The following DNAI1 variants were observed in gnomAD, a reference collection of about 807,000 sequenced individuals.
The protein encoded by DNAI1 is dynein axonemal intermediate chain 1.
Under a neutral mutation model 92.0 loss-of-function variants are expected in DNAI1, and 67 were observed. That is an observed-to-expected ratio of 0.73 (90% CI 0.60 to 0.89). DNAI1 has a LOEUF of 0.89. Ranked by LOEUF, DNAI1 falls within the 40% of genes least tolerant of loss-of-function variation. The pLI is 0.00. For synonymous variants in DNAI1, 323 were observed against 319.6 expected (o/e 1.01, Z -0.11); for missense variants, 839 against 866.6 (o/e 0.97, Z 0.40).
At chr9:34,507,390 A>G (rs1332810046) in intron 13 of DNAI1, among the ~76,000 whole-genome samples, 2 of 152,244 alleles carry the variant, frequency 1.3e-5, no homozygotes, top group Non-Finnish European at 2.9e-5. Context: ...TATCCTTACA[A>G]TTAGGCAAGT....
intron 18 of DNAI1, among the ~76,000 whole-genome samples, chr9:34,515,794 A>T (rs780387883): frequency 2.0e-5 from 3 of 152,246 alleles, no homozygotes; most frequent in Non-Finnish European, 4.4e-5. Context: ...GTAGAGATGG[A>T]AAGTCAATTT....
rs766328772 is a variant in DNAI1 at position 34,489,419 on chromosome 9, C to T, written c.358C>T (p.Arg120Trp). 6.3e-5 allele frequency: 102 copies of T among 1,613,872 alleles called. No homozygotes were observed. Among genetic ancestry groups the T allele is most frequent in the Middle Eastern group, 1.7e-4 (1 of 6,010 alleles). The change falls in exon 5 of 20, where the codon CGG becomes TGG. Residue 120 changes from arginine to tryptophan, a missense_variant. By Grantham distance (101) the Arg-to-Trp change is moderately radical. Coordinates refer to ENST00000242317, the MANE Select transcript of DNAI1 (RefSeq NM_012144.4). The part of the protein sequence containing the change: ...LIPKDSDEGR[R>W]QHYRDELVAG... ...CCCCAAAGACTCAGATGAAGGACGG[C>T]GGCAGCATTACCGCGATGAATTAGT...
At chr9:34,509,112 C>T (rs1478853812) in intron 13 of DNAI1, among the ~76,000 whole-genome samples, 1 of 152,104 alleles carries the variant, frequency 6.6e-6, no homozygotes, top group African/African-American at 2.4e-5. Flanking sequence ...GGCAGGGCAG[C>T]GTGCTAAGTG....
intron 1 of DNAI1, among the ~76,000 whole-genome samples, chr9:34,463,942 T>C (rs932768075): frequency 3.3e-5 from 5 of 152,152 alleles, no homozygotes; most frequent in African/African-American, 9.7e-5. Flanking sequence ...GTGAACAGAA[T>C]GTAGGGGAAG....
chr9:34,516,936 T>A (rs1825180637), intron 18 of DNAI1, among the ~76,000 whole-genome samples: 1 of 151,984 alleles, frequency 6.6e-6, no homozygotes, highest in Admixed American at 6.6e-5. Context: ...AGACAGGGTT[T>A]CACCATGTTG....
chr9:34,513,290 T>C (rs1825109753), intron 16 of DNAI1, 99 bp downstream of exon 16: 1 of 958,814 alleles, frequency 1.0e-6, no homozygotes, highest in Non-Finnish European at 1.7e-6. Flanking sequence ...GGATTTTAGT[T>C]CCCGTCAGTT....
At chr9:34,481,914 T>C (rs1824367179) in intron 1 of DNAI1, among the ~76,000 whole-genome samples, 3 of 152,236 alleles carry the variant, frequency 2.0e-5, no homozygotes, top group African/African-American at 7.2e-5. Flanking sequence ...CCCGAGCAGG[T>C]TGCCAATGCT....
At position 34,489,444 on chromosome 9, in the gene DNAI1, T is replaced by A; in HGVS notation, c.383T>A (p.Val128Glu). ...CGGCAGCATTACCGCGATGAATTAG[T>A]GGCAGGTAGGACTCTGGGCCATCCT... Reference protein sequence around the residue: ...GRRQHYRDELVAGSQESVKVI... With the variant: ...GRRQHYRDELEAGSQESVKVI... The change falls in exon 5 of 20, where the codon GTG (valine) becomes GAG (glutamate). Residue 128 changes from valine (V) to glutamate (E), a missense_variant. Coordinates refer to ENST00000242317, the MANE Select transcript of DNAI1 (RefSeq NM_012144.4). 1.9e-6 allele frequency: 3 copies of A among 1,613,618 alleles called. No homozygotes were observed. Among genetic ancestry groups the A allele is most frequent in the Non-Finnish European group, 2.5e-6 (3 of 1,179,944 alleles).
intron 16 of DNAI1, among the ~76,000 whole-genome samples, chr9:34,514,133 TG>T (rs1351561921): frequency 2.0e-5 from 3 of 152,150 alleles, no homozygotes; most frequent in Non-Finnish European, 4.4e-5. Context: ...TGGAATCCTC[TG>T]GGGTCAGGGC....
At chr9:34,494,336 A>C (rs936979208) in intron 9 of DNAI1, among the ~76,000 whole-genome samples, 1 of 152,090 alleles carries the variant, frequency 6.6e-6, no homozygotes, top group Non-Finnish European at 1.5e-5. Flanking sequence ...GCTTTATAGG[A>C]ACTGTCCCAA....
chr9:34,458,869 A>AC lies in DNAI1; in HGVS notation c.-136dup, dbSNP rs1264928980. ...TGCAAGGGCACGGGGACCCACAACG[A>AC]CGGCTGTCCCTAAAGAACCGTTGCG... is the stretch of plus-strand genomic sequence containing the variant. On this transcript the variant is annotated 5_prime_UTR_variant, in exon 1 of 20. Transcript: ENST00000242317. This position sits in a 1 kb window ranked among gnomAD's most constrained non-coding sequence, Gnocchi z 6.6. 1.3e-6 allele frequency: 1 copy of AC among 772,938 alleles called. No homozygotes were observed. The highest frequency in any genetic ancestry group is 1.7e-5 in the African/African-American group (1 of 58,594). 47.9% of individuals were successfully genotyped at this position (772,938 alleles called of 1,614,324 possible).
At chr9:34,509,329 C>T (rs1825018948) in intron 13 of DNAI1, among the ~76,000 whole-genome samples, 1 of 152,112 alleles carries the variant, frequency 6.6e-6, no homozygotes, top group Non-Finnish European at 1.5e-5. Flanking sequence ...TGGGAAGTGA[C>T]ACGTCATTTG....
At chr9:34,495,656 A>G (rs1001512209) in intron 9 of DNAI1, among the ~76,000 whole-genome samples, 1 of 152,126 alleles carries the variant, frequency 6.6e-6, no homozygotes, top group Non-Finnish European at 1.5e-5. Context: ...GTGTCCTCCT[A>G]CCTCAAAGGA....
At chr9:34,518,398 G>A (rs117807152) in intron 19 of DNAI1, among the ~76,000 whole-genome samples, 1,780 of 152,334 alleles carry the variant, frequency 0.012, 20 homozygotes, top group Non-Finnish European at 0.019. Context: ...TCCCCACCAT[G>A]GCCAGGGAGG....
intron 1 of DNAI1, among the ~76,000 whole-genome samples, chr9:34,471,474 G>A (rs1000321423): frequency 1.3e-5 from 2 of 148,342 alleles, no homozygotes; most frequent in Non-Finnish European, 3.0e-5. Flanking sequence ...AAAAGAAAAG[G>A]AAAGTTTAAG....
chr9:34,475,248 T>TAATGGA (rs1205795598), intron 1 of DNAI1, among the ~76,000 whole-genome samples: 1 of 152,168 alleles, frequency 6.6e-6, no homozygotes, highest in African/African-American at 2.4e-5. Context: ...CAATTTAGCT[T>TAATGGA]AATGGAAACC....
chr9:34,468,558 G>T (rs964934524), intron 1 of DNAI1, among the ~76,000 whole-genome samples: 1 of 151,852 alleles, frequency 6.6e-6, no homozygotes, highest in Non-Finnish European at 1.5e-5. Flanking sequence ...GGGCATGGTG[G>T]CTCATACCTA....
At position 34,492,493 on chromosome 9, in the gene DNAI1, G is replaced by GAGAGAGATATATATATAT. The variant is rs1271867592; in HGVS notation, c.682-700_682-699insGAGAGATATATATATATA. 1.5e-4 allele frequency among the ~76,000 whole-genome samples: 10 copies of GAGAGAGATATATATATAT among 68,258 alleles called. No homozygotes were observed. The South Asian group carries it at 3.6e-3, about 25-fold the overall frequency. 44.8% of individuals were successfully genotyped at this position (68,258 alleles called of 152,430 possible). A position where few individuals can be genotyped will look rare whatever the true frequency, so the allele number is the denominator to read the frequency against. On this transcript the variant is annotated intron_variant, in intron 8 of 19. Transcript: ENST00000242317. ...TCCGGGGTGGGGGTGGGGATATGAA[G>GAGAGAGATATATATATAT]ATATATATATATATATATATATATA...
intron 1 of DNAI1, among the ~76,000 whole-genome samples, chr9:34,463,204 G>A (rs1241839639): frequency 1.3e-5 from 2 of 152,088 alleles, no homozygotes; most frequent in African/African-American, 4.8e-5. Context: ...CCAGACAGAC[G>A]GCATAGCAAG....
Sources: allele counts gnomAD v4.1 joint callset (sites outside exome capture counted in the v4.1 genomes callset), GRCh38; gene constraint gnomAD v4.1.1; non-coding constraint Gnocchi (gnomAD v3.1); transcripts MANE v1.5; gene names NCBI Gene and HGNC (gene_info 2026-07-23, HGNC 2026-07-21).